The following NRG1 variants were observed in gnomAD, a reference collection of about 807,000 sequenced individuals.
NRG1 encodes pro-neuregulin-1, membrane-bound isoform.
Under a neutral mutation model 63.8 loss-of-function variants are expected in NRG1, and 18 were observed. The observed-to-expected ratio is 0.28, with a 90% confidence interval of 0.19 to 0.42. The LOEUF (loss-of-function observed/expected upper bound fraction) is 0.42, where lower values mean the gene tolerates loss of function less well. Ranked by LOEUF, NRG1 falls within the 10% of genes least tolerant of loss-of-function variation. NRG1 has a pLI of 1.00. For missense variants in NRG1, 762 were observed against 814.7 expected, an observed-to-expected ratio of 0.94 and a Z score of 0.79; for synonymous variants, 302 against 301.3, an observed-to-expected ratio of 1.00 and a Z score of -0.02.
intron 1 of NRG1, among the ~76,000 whole-genome samples, chr8:32,533,816 A>G (rs1831694771): frequency 6.6e-6 from 1 of 152,156 alleles, no homozygotes; most frequent in South Asian, 2.1e-4. Context: ...ATAAGTTTAA[A>G]TGCATTGAAT....
intron 1 of NRG1, among the ~76,000 whole-genome samples, chr8:32,471,084 G>A (rs1247077252): frequency 2.0e-5 from 3 of 152,200 alleles, no homozygotes; most frequent in Non-Finnish European, 2.9e-5. Flanking sequence ...ATTGCAGGCT[G>A]TTTAATAGAA....
chr8:32,556,007 G>T (rs1588276453), intron 1 of NRG1, among the ~76,000 whole-genome samples: 1 of 152,280 alleles, frequency 6.6e-6, no homozygotes, highest in Middle Eastern at 3.4e-3. Context: ...GCTTTGATGG[G>T]CAGGGAGCTG....
intron 1 of NRG1, among the ~76,000 whole-genome samples, chr8:31,704,446 T>G (rs1810923353): frequency 6.6e-6 from 1 of 152,186 alleles, no homozygotes; most frequent in South Asian, 2.1e-4. Context: ...CTTTCTAGTG[T>G]TTTTGTATAC....
Position 32,394,978 on chromosome 8 carries a change from T to G in NRG1, c.38-200850T>G, listed in dbSNP as rs543143246. On this transcript the variant is annotated intron_variant, in intron 1 of 10. Coordinates refer to the NRG1 transcript ENST00000519301. ...AGTATGAAATCAGTGGTGAGAAGAA[T>G]GGCTATAAGGAATGGGCTCTACAAT... 7.2e-5 allele frequency among the ~76,000 whole-genome samples: 11 copies of G among 152,282 alleles called. No homozygotes were observed. The East Asian group carries it at 1.5e-3, about 21-fold the overall frequency.
rs1835401777 is a variant in NRG1 at position 32,557,415 on chromosome 8, CACA to C, written c.100+8593_100+8595del. Among the ~76,000 whole-genome samples, 2 of 152,188 alleles carry C rather than the reference CACA, an allele frequency of 1.3e-5. 1 individual carries two copies. Among genetic ancestry groups the C allele is most frequent in the South Asian group, 4.1e-4 (2 of 4,834 alleles). ...ATGGAAGTACAGTATTGGGATTATG[CACA>C]ACATTTTATTGTTTAAAATTATAGT... On this transcript the variant is annotated intron_variant, in intron 1 of 11. Transcript: ENST00000356819.
chr8:31,972,342 G>A (rs1355874251), intron 1 of NRG1, among the ~76,000 whole-genome samples: 1 of 152,030 alleles, frequency 6.6e-6, no homozygotes, highest in African/African-American at 2.4e-5. Flanking sequence ...TCATCAAACA[G>A]CCTAGCTTTA....
At chr8:31,863,054 A>G (rs117810909) in intron 1 of NRG1, among the ~76,000 whole-genome samples, 2,509 of 152,266 alleles carry the variant, frequency 0.016, 32 homozygotes, top group Non-Finnish European at 0.025. Flanking sequence ...CAGAGCTTAA[A>G]CATAGGTATC....
At chr8:31,959,552 C>T (rs1004257918) in intron 1 of NRG1, among the ~76,000 whole-genome samples, 4 of 152,052 alleles carry the variant, frequency 2.6e-5, no homozygotes, top group African/African-American at 7.2e-5. Context: ...CTCCTGGCCC[C>T]GTCTTGATGG....
chr8:31,819,136 G>T (rs1823757817), intron 1 of NRG1, among the ~76,000 whole-genome samples: 1 of 152,274 alleles, frequency 6.6e-6, no homozygotes, highest in South Asian at 2.1e-4. Flanking sequence ...CTACTTGGTG[G>T]GCTGAGGCAG....
chr8:32,464,328 A>G (rs1822784183), intron 1 of NRG1, among the ~76,000 whole-genome samples: 1 of 116,788 alleles, frequency 8.6e-6, no homozygotes, highest in Non-Finnish European at 1.6e-5. Context: ...TGTTTTCTAG[A>G]TTAGGAAACT....
At chr8:32,024,057 G>A (rs1041834190) in intron 1 of NRG1, among the ~76,000 whole-genome samples, 5 of 152,136 alleles carry the variant, frequency 3.3e-5, no homozygotes, top group Non-Finnish European at 5.9e-5. Context: ...GGTCTTTCAG[G>A]TCCTTTTTGG....
chr8:31,825,361 C>T (rs1015995916), intron 1 of NRG1, among the ~76,000 whole-genome samples: 1 of 151,422 alleles, frequency 6.6e-6, no homozygotes, highest in Non-Finnish European at 1.5e-5. Flanking sequence ...GCACTCCATC[C>T]TGGGTGACAG....
intron 1 of NRG1, among the ~76,000 whole-genome samples, chr8:31,771,279 C>G (rs1818599587): frequency 6.6e-6 from 1 of 152,122 alleles, no homozygotes; most frequent in Non-Finnish European, 1.5e-5. Context: ...TTTTCCCATT[C>G]AGCGTAACAC....
At chr8:32,470,563 T>C (rs1823717846) in intron 1 of NRG1, among the ~76,000 whole-genome samples, 1 of 152,146 alleles carries the variant, frequency 6.6e-6, no homozygotes, top group South Asian at 2.1e-4. Context: ...ACCTTTTTAT[T>C]CTTATTCTGT....
intron 1 of NRG1, among the ~76,000 whole-genome samples, chr8:32,129,132 G>C (rs1834474137): frequency 6.6e-6 from 1 of 151,922 alleles, no homozygotes; most frequent in Non-Finnish European, 1.5e-5. Flanking sequence ...ATAACTCAGT[G>C]TTGTAACTCT....
intron 1 of NRG1, among the ~76,000 whole-genome samples, chr8:31,776,525 C>A (rs1438999534): frequency 6.6e-6 from 1 of 152,068 alleles, no homozygotes; most frequent in African/African-American, 2.4e-5. Context: ...AGGTCCAGGC[C>A]CCACTTCCCA....
At chr8:32,398,416 T>C (rs1812719863) in intron 1 of NRG1, among the ~76,000 whole-genome samples, 1 of 151,744 alleles carries the variant, frequency 6.6e-6, no homozygotes, top group South Asian at 2.1e-4. Context: ...CCAAATTTTT[T>C]TTTTTTTTTT....
At chr8:32,369,429 T>C (rs554844499) in intron 1 of NRG1, among the ~76,000 whole-genome samples, 73 of 152,342 alleles carry the variant, frequency 4.8e-4, no homozygotes, top group South Asian at 1.2e-3. Flanking sequence ...ACAATTCTAC[T>C]CTGGAAAGTC....
chr8:32,497,840 T>C (rs755359607), intron 1 of NRG1, among the ~76,000 whole-genome samples: 2 of 152,246 alleles, frequency 1.3e-5, no homozygotes, highest in African/African-American at 2.4e-5. Flanking sequence ...CTTATTTTTT[T>C]GAGACAGAGT....
Sources: allele counts gnomAD v4.1 joint callset (sites outside exome capture counted in the v4.1 genomes callset), GRCh38; gene constraint gnomAD v4.1.1; transcripts MANE v1.5; gene names NCBI Gene and HGNC (gene_info 2026-07-23, HGNC 2026-07-21).